WWP2: variants seen among roughly 807,000 people sequenced by gnomAD.
WWP2 encodes NEDD4-like E3 ubiquitin-protein ligase WWP2.
A neutral mutation model predicts 121.0 loss-of-function variants in WWP2; 57 were observed. The observed-to-expected ratio is 0.47, with a 90% CI of 0.38 to 0.59. The LOEUF is 0.59. Ranked by LOEUF, WWP2 falls within the 20% of genes least tolerant of loss-of-function variation. The pLI, the probability that WWP2 is intolerant of heterozygous loss-of-function variation, is 0.00. For synonymous variants in WWP2, 449 were observed against 441.3 expected, an observed-to-expected ratio of 1.02 and a Z score of -0.22; for missense variants, 962 against 1,158.9, an observed-to-expected ratio of 0.83 and a Z score of 2.47.
chr16:69,862,313 C>T (rs1161580285), intron 6 of WWP2, among the ~76,000 whole-genome samples: 2 of 152,226 alleles, frequency 1.3e-5, no homozygotes, highest in Non-Finnish European at 2.9e-5. Context: ...GATCCACTCA[C>T]CTCGGCCTCC....
intron 7 of WWP2, among the ~76,000 whole-genome samples, chr16:69,877,226 C>T (rs1597095947): frequency 6.6e-6 from 1 of 152,336 alleles, no homozygotes; most frequent in Admixed American, 6.5e-5. Flanking sequence ...GGATAGCTTG[C>T]TGCAGCTTCT....
intron 6 of WWP2, among the ~76,000 whole-genome samples, chr16:69,849,230 G>A (rs990508490): frequency 5.3e-5 from 8 of 152,306 alleles, no homozygotes; most frequent in Non-Finnish European, 1.2e-4. Flanking sequence ...GCAGGGAGGA[G>A]GGGTGGAGGG....
At chr16:69,849,809 T>TA (rs141237458) in intron 6 of WWP2, among the ~76,000 whole-genome samples, 23,997 of 149,736 alleles carry the variant, frequency 0.16, 2,193 homozygotes, top group East Asian at 0.4. Context: ...CCCTGTCTCT[T>TA]AAAAAAAAAA....
At chr16:69,915,047 G>A (rs1189544851) in intron 9 of WWP2, among the ~76,000 whole-genome samples, 1 of 152,162 alleles carries the variant, frequency 6.6e-6, no homozygotes, top group East Asian at 1.9e-4. Context: ...ACACAGAGCG[G>A]GTGTGAGATG....
chr16:69,821,823 G>A (rs1361693739), intron 4 of WWP2, among the ~76,000 whole-genome samples: 2 of 149,694 alleles, frequency 1.3e-5, no homozygotes, highest in Non-Finnish European at 3.0e-5. Flanking sequence ...CTCCCAAAGA[G>A]CTGGGATTAT....
chr16:69,763,311 G>A (rs1178279586), intron 1 of WWP2, among the ~76,000 whole-genome samples: 1 of 152,166 alleles, frequency 6.6e-6, no homozygotes, highest in African/African-American at 2.4e-5. Context: ...GTGCCTGAGA[G>A]GTCTGTGTTA....
chr16:69,871,556 C>T (rs763971615), intron 6 of WWP2, among the ~76,000 whole-genome samples: 4 of 152,184 alleles, frequency 2.6e-5, no homozygotes, highest in Non-Finnish European at 4.4e-5. Context: ...GGGCAATTCA[C>T]TCTGGATTTG....
rs1472124281 is a variant in WWP2, at chr16:69,777,097, TATACACATATGTGTATATACA to T, written c.-15-9887_-15-9867del. ...TTTTAAAACAGTATATGGATATATA[TATACACATATGTGTATATACA>T]ATACACATATGGATATATATACACA... On this transcript the variant is annotated intron_variant, in intron 1 of 23. Transcript: ENST00000359154. 3.3e-5 allele frequency among the ~76,000 whole-genome samples: 5 copies of T among 150,796 alleles called. No individual in the cohort carries two copies. The South Asian group carries it at 6.2e-4, about 19-fold the overall frequency.
intron 4 of WWP2, among the ~76,000 whole-genome samples, chr16:69,835,123 A>G (rs887970223): frequency 9.9e-5 from 15 of 152,172 alleles, no homozygotes; most frequent in Non-Finnish European, 1.6e-4. Flanking sequence ...CTACTTTTTC[A>G]TGGGTTTCTT....
intron 2 of WWP2, among the ~76,000 whole-genome samples, chr16:69,795,556 A>G (rs911796708): frequency 1.3e-5 from 2 of 151,960 alleles, no homozygotes; most frequent in Non-Finnish European, 2.9e-5. Context: ...AACAGAAAGC[A>G]AATGTGGCAA....
chr16:69,933,478 G>T (rs970241587), intron 16 of WWP2, among the ~76,000 whole-genome samples: 2 of 152,184 alleles, frequency 1.3e-5, no homozygotes, highest in Non-Finnish European at 2.9e-5. Context: ...ATGGATCGGG[G>T]TTGGAAATGT....
intron 6 of WWP2, among the ~76,000 whole-genome samples, chr16:69,857,675 T>C (rs2057342393): frequency 6.7e-6 from 1 of 148,210 alleles, no homozygotes. Context: ...TTTTTTTTTT[T>C]TTTTGAGACA....
intron 1 of WWP2, among the ~76,000 whole-genome samples, chr16:69,766,622 A>T (rs966420143): frequency 2.0e-5 from 3 of 151,792 alleles, no homozygotes; most frequent in African/African-American, 7.3e-5. Flanking sequence ...TGCCAGTGGT[A>T]CTCCTTATTT....
intron 4 of WWP2, among the ~76,000 whole-genome samples, chr16:69,804,520 G>A (rs551286334): frequency 6.6e-6 from 1 of 152,244 alleles, no homozygotes; most frequent in East Asian, 1.9e-4. Flanking sequence ...GGCCTGCTTA[G>A]GGACTTTCCA....
At chr16:69,769,737 A>G (rs1438680415) in intron 1 of WWP2, among the ~76,000 whole-genome samples, 1 of 152,140 alleles carries the variant, frequency 6.6e-6, no homozygotes, top group East Asian at 1.9e-4. Flanking sequence ...AAGTACTATT[A>G]TTGGGTTCAT....
At chr16:69,923,185 C>T (rs956952877) in intron 10 of WWP2, among the ~76,000 whole-genome samples, 5 of 151,996 alleles carry the variant, frequency 3.3e-5, no homozygotes, top group African/African-American at 7.3e-5. Flanking sequence ...CCACGGCACC[C>T]GGCCGCCATG....
At chr16:69,885,611 C>A (rs74029736) in intron 7 of WWP2, among the ~76,000 whole-genome samples, 2,610 of 152,202 alleles carry the variant, frequency 0.017, 76 homozygotes, top group African/African-American at 0.059. Flanking sequence ...TTATAATCTT[C>A]GGTTGAATTA....
intron 6 of WWP2, among the ~76,000 whole-genome samples, chr16:69,850,689 G>A (rs1158756681): frequency 6.6e-6 from 1 of 152,202 alleles, no homozygotes; most frequent in Non-Finnish European, 1.5e-5. Flanking sequence ...AGAACTTGAT[G>A]TATTTGAGGA....
chr16:69,925,136 G>A lies in WWP2; in HGVS notation c.1180-294G>A, dbSNP rs539126169. The A allele has an allele frequency of 2.4e-4, 282 of 1,151,478 alleles. No individual in the cohort carries two copies. Among genetic ancestry groups the A allele is most frequent in the Admixed American group, 4.9e-4 (11 of 22,394 alleles). The allele number at this position is 1,151,478 out of a possible 1,614,324, so 71.3% of individuals were successfully genotyped here. On this transcript the variant is annotated intron_variant, in intron 10 of 23. Transcript: ENST00000359154. The surrounding 1 kb of genome is among the most constrained non-coding windows in gnomAD (Gnocchi z 4.0). ...CATGCCAGGGCTGCTCCCTGCCTCCGCCACCCTGGCACACCTTCACCCGCG... is the reference window on the plus strand; with the variant it reads ...CATGCCAGGGCTGCTCCCTGCCTCCACCACCCTGGCACACCTTCACCCGCG...
Sources: allele counts gnomAD v4.1 joint callset (sites outside exome capture counted in the v4.1 genomes callset), GRCh38; gene constraint gnomAD v4.1.1; non-coding constraint Gnocchi (gnomAD v3.1); transcripts MANE v1.5; gene names NCBI Gene and HGNC (gene_info 2026-07-23, HGNC 2026-07-21).